AHCY: variants seen among roughly 807,000 people sequenced by gnomAD.
The protein encoded by AHCY is adenosylhomocysteinase.
Under a neutral mutation model 45.4 loss-of-function variants are expected in AHCY, and 24 were observed. The ratio of observed to expected loss-of-function variants is 0.53; its 90% CI spans 0.38 to 0.74. The LOEUF is 0.74. Ranked by LOEUF, AHCY falls within the 30% of genes least tolerant of loss-of-function variation. AHCY has a pLI of 0.00. For synonymous variants in AHCY, 245 were observed against 235.1 expected (o/e 1.04, Z -0.39); for missense variants, 449 against 594.1 (o/e 0.76, Z 2.54).
chr20:34,302,279 G>A (rs2036803178), intron 1 of AHCY: 1 of 153,644 alleles, frequency 6.5e-6, no homozygotes, highest in African/African-American at 2.4e-5. Flanking sequence ...GGGACTACAG[G>A]GGTGAGCCAC....
intron 1 of AHCY, among the ~76,000 whole-genome samples, chr20:34,301,119 C>T (rs1344724185): frequency 6.6e-6 from 1 of 152,088 alleles, no homozygotes; most frequent in Non-Finnish European, 1.5e-5. Flanking sequence ...TACTAATGAC[C>T]CAGAGAGGAC....
chr20:34,290,321 G>C lies in AHCY; in HGVS notation c.972+11C>G. The C allele has an allele frequency of 6.2e-7, 1 of 1,613,392 alleles. No individual in the cohort carries two copies. The highest frequency in any genetic ancestry group is 1.1e-5 in the South Asian group (1 of 91,014). On this transcript the variant is annotated intron_variant, in intron 8 of 9. Transcript: ENST00000217426. The surrounding 1 kb of genome is among the most constrained non-coding windows in gnomAD (Gnocchi z 4.5). ...TCTGCCCAGCCCACTGGCAAGGCGG[G>C]AGCTTCTCACCTGCGGCTTGATGTT...
chr20:34,298,609 A>AGGGGGGGGGGGGGGGGGG (rs35505406), intron 1 of AHCY, among the ~76,000 whole-genome samples: 5 of 83,116 alleles, frequency 6.0e-5, no homozygotes, highest in Non-Finnish European at 7.9e-5. Flanking sequence ...CGGCGGCGGG[A>AGGGGGGGGGGGGGGGGGG]GGGGGGGGGG....
downstream of AHCY, among the ~76,000 whole-genome samples, chr20:34,277,023 C>T (rs560691608): frequency 7.2e-5 from 11 of 152,216 alleles, no homozygotes; most frequent in East Asian, 1.9e-3. Context: ...TCACTGGCAT[C>T]AACAGTCCCC....
chr20:34,257,803 T>C, the AHCY span, among the ~76,000 whole-genome samples: 1 of 152,190 alleles, frequency 6.6e-6, no homozygotes, highest in Admixed American at 6.5e-5. Flanking sequence ...TGAGAAATAT[T>C]ATTGGCACAT....
chr20:34,291,520 T>C lies in AHCY; in HGVS notation c.457A>G (p.Ile153Val). Residue 153 changes from isoleucine (I) to valine (V), a missense_variant, in exon 5 of 10, where the codon ATC becomes GTC. Physicochemically the swap from Ile to Val is conservative, Grantham distance 29 (BLOSUM62 3). Transcript: ENST00000217426. ...YPQLLPGIRGISEETTTGVHN... is the reference protein window; with the variant it reads ...YPQLLPGIRGVSEETTTGVHN... ...ACCCCAGTCGTGGTCTCCTCAGAGA[T>C]GCCTCGGATGCCTAAACAAGAGGGG... 1 of 1,614,054 alleles carries C rather than the reference T, an allele frequency of 6.2e-7. No individual in the cohort carries two copies. Among genetic ancestry groups the C allele is most frequent in the Non-Finnish European group, 8.5e-7 (1 of 1,179,924 alleles).
the AHCY span, among the ~76,000 whole-genome samples, chr20:34,258,700 A>ATATATATATACACACATAC: frequency 7.7e-5 from 6 of 77,920 alleles, no homozygotes; most frequent in South Asian, 8.7e-4. Context: ...TACATACTAT[A>ATATATATATACACACATAC]TATATATATT....
chr20:34,267,573 C>T, the AHCY span, among the ~76,000 whole-genome samples: 2 of 150,960 alleles, frequency 1.3e-5, no homozygotes, highest in Non-Finnish European at 2.9e-5. Context: ...CTCTTGTTGC[C>T]CAGGCTGGAG....
the AHCY span, among the ~76,000 whole-genome samples, chr20:34,249,478 C>G: frequency 7.2e-5 from 11 of 152,188 alleles, no homozygotes; most frequent in Non-Finnish European, 1.6e-4. Context: ...TTCATAACCA[C>G]TGTGTCATAT....
At chr20:34,268,924 C>T in the AHCY span, 1 of 1,540,408 alleles carries the variant, frequency 6.5e-7, no homozygotes, top group East Asian at 2.4e-5. Context: ...GAGGAGCTCC[C>T]AGGCAGAGGT....
chr20:34,285,576 A>C lies in AHCY; in HGVS notation c.1031T>G (p.Leu344Arg), dbSNP rs1341547707. Residue 344 changes from leucine to arginine, a missense_variant, in exon 9 of 10, where the codon CTG (leucine) becomes CGG (arginine). By Grantham distance (102) the Leu-to-Arg change is moderately radical (BLOSUM62 -2). Transcript: ENST00000217426. ...GCCCATGGCACAACCCAGGTTGACC[A>C]GCCGACCCTCGGCCAGCAGGATGAT... The part of the protein sequence containing the change: ...RRIILLAEGR[L>R]VNLGCAMGHP... 6.2e-7 allele frequency: 1 copy of C among 1,614,152 alleles called. No homozygotes were observed.
the AHCY span, chr20:34,246,532 C>G: frequency 3.3e-5 from 35 of 1,068,332 alleles, no homozygotes; most frequent in Non-Finnish European, 5.0e-5. Context: ...ATTCAGAAAT[C>G]TCAGCTCACT....
rs1018943388 is a variant in AHCY, at chr20:34,294,301, T to G, written c.220-145A>C. 3 of 800,696 alleles carry G rather than the reference T, an allele frequency of 3.7e-6. No homozygotes were observed. In the Admixed American group the frequency reaches 6.0e-5, roughly 16 times the overall value. The allele number at this position is 800,696 out of a possible 1,614,324, so 49.6% of individuals were successfully genotyped here. A position where few individuals can be genotyped will look rare whatever the true frequency, so the allele number is the denominator to read the frequency against. On this transcript the variant is annotated intron_variant, in intron 2 of 9. Coordinates refer to ENST00000217426, the MANE Select transcript of AHCY (RefSeq NM_000687.4). The stretch of plus-strand genomic sequence containing the variant: ...AAGCTCTAGGATCACAGGCTGGGGA[T>G]GCTGGGTGGGCAGATGGGAGCCAGA...
In AHCY at chr20:34,301,092, G is replaced by T. The variant is rs74484772; in HGVS notation, c.28+2151C>A. On this transcript the variant is annotated intron_variant, in intron 1 of 9. Coordinates refer to ENST00000217426, the MANE Select transcript of AHCY (RefSeq NM_000687.4). ...GAAAAACAACACAAATCTGAACCTA[G>T]TCTGAGTCCCAGCATTTACTAATGA... Among the ~76,000 whole-genome samples the T allele has an allele frequency of 6.8e-4, 104 of 152,306 alleles. 2 individuals are homozygous for T. The East Asian group carries it at 0.019, about 27-fold the overall frequency.
chr20:34,262,904 G>C, the AHCY span: 52 of 1,613,654 alleles, frequency 3.2e-5, no homozygotes, highest in South Asian at 5.7e-4. Context: ...GTAAGGGCAG[G>C]GAAGTTCTGG....
intron 2 of AHCY, among the ~76,000 whole-genome samples, chr20:34,294,539 G>A (rs2036508747): frequency 6.6e-6 from 1 of 152,138 alleles, no homozygotes; most frequent in South Asian, 2.1e-4. Context: ...AGTTGTTGGA[G>A]TAAAGGGAGT....
rs185262421 is a variant in AHCY at position 34,287,635 on chromosome 20, G to A, written c.973-2001C>T. Among the ~76,000 whole-genome samples, 79 of 151,750 alleles carry A rather than the reference G, an allele frequency of 5.2e-4. 1 individual carries two copies. In the East Asian group the frequency reaches 0.011, roughly 22 times the overall value. On this transcript the variant is annotated intron_variant, in intron 8 of 9. Coordinates refer to ENST00000217426, the MANE Select transcript of AHCY (RefSeq NM_000687.4). ...TCAAACTCCTGACCTCAAGTGATCC[G>A]CCTGCCTCGGCCTCCCAAAGTGCTG...
the AHCY span, among the ~76,000 whole-genome samples, chr20:34,233,526 A>C: frequency 6.6e-6 from 1 of 152,220 alleles, no homozygotes; most frequent in African/African-American, 2.4e-5. Context: ...ATGGTTGCAC[A>C]ACTCTGTGAA....
At chr20:34,265,921 G>C in the AHCY span, among the ~76,000 whole-genome samples, 2 of 151,902 alleles carry the variant, frequency 1.3e-5, no homozygotes, top group African/African-American at 4.8e-5. Flanking sequence ...CTGCACCCTA[G>C]CCTGGGCGAC....
Sources: allele counts gnomAD v4.1 joint callset (sites outside exome capture counted in the v4.1 genomes callset), GRCh38; gene constraint gnomAD v4.1.1; non-coding constraint Gnocchi (gnomAD v3.1); transcripts MANE v1.5; gene names NCBI Gene and HGNC (gene_info 2026-07-23, HGNC 2026-07-21).